The following TEX26 variants were observed in gnomAD, a reference collection of about 807,000 sequenced individuals.
The protein encoded by TEX26 is testis-expressed protein 26.
Under a neutral mutation model 35.3 loss-of-function variants are expected in TEX26, and 34 were observed. The ratio of observed to expected loss-of-function variants is 0.96; its 90% CI spans 0.73 to 1.28. TEX26 has a LOEUF of 1.28. TEX26 is among the 50% of genes most tolerant of loss of function. The probability of loss-of-function intolerance (pLI) is 0.00; values close to 1 mark genes in which losing one functional copy is unlikely to be tolerated. For missense variants in TEX26, 371 were observed against 330.1 expected (o/e 1.12, Z -0.96); for synonymous variants, 136 against 111.8 (o/e 1.22, Z -1.36).
In TEX26 at chr13:30,968,969, A is replaced by C. The variant is rs767993938; in HGVS notation, c.731A>C (p.Tyr244Ser). ...TTYQSDYDKT[Y>S]PDFLMLLNSF... The stretch of plus-strand genomic sequence containing the variant: ...TACCAAAGTGACTACGACAAAACCT[A>C]CCCAGATTTCTTAATGCTTTTAAAC... The change falls in exon 6 of 7, where the codon TAC becomes TCC. Residue 244 changes from tyrosine (Y) to serine (S), a missense_variant. Physicochemically the swap from Tyr to Ser is moderately radical, Grantham distance 144. Transcript: ENST00000380473. The C allele has an allele frequency of 6.2e-7, 1 of 1,613,986 alleles. No individual in the cohort carries two copies. Among genetic ancestry groups the C allele is most frequent in the South Asian group, 1.1e-5 (1 of 91,056 alleles).
chr13:30,957,710 T>C (rs978796641), intron 4 of TEX26, among the ~76,000 whole-genome samples: 2 of 152,194 alleles, frequency 1.3e-5, no homozygotes, highest in Non-Finnish European at 2.9e-5. Flanking sequence ...GGTGGTGGCA[T>C]GGGCACTTCA....
At chr13:30,951,415 A>G (rs547151334) in intron 2 of TEX26, among the ~76,000 whole-genome samples, 1 of 151,800 alleles carries the variant, frequency 6.6e-6, no homozygotes, top group South Asian at 2.1e-4. Flanking sequence ...TCTCCAGTTT[A>G]TATCTGAATG....
At chr13:30,941,348 C>G (rs935104470) in intron 2 of TEX26, among the ~76,000 whole-genome samples, 3 of 152,122 alleles carry the variant, frequency 2.0e-5, no homozygotes, top group African/African-American at 7.2e-5. Flanking sequence ...ATGAAAGTGC[C>G]ATCTATATAA....
At chr13:30,970,158 G>GGTGT (rs1334626307) in intron 6 of TEX26, among the ~76,000 whole-genome samples, 1 of 123,950 alleles carries the variant, frequency 8.1e-6, no homozygotes, top group African/African-American at 3.1e-5. Flanking sequence ...GACAGGGAAG[G>GGTGT]GTGTGTGTGA....
intron 4 of TEX26, among the ~76,000 whole-genome samples, chr13:30,965,727 G>A (rs368411723): frequency 3.5e-4 from 53 of 152,108 alleles, no homozygotes; most frequent in African/African-American, 1.1e-3. Context: ...GATAAGCTTC[G>A]AGTGTTTTTT....
chr13:30,974,131 A>AAAATATATATATATATAT, intron 6 of TEX26, among the ~76,000 whole-genome samples: 17 of 84,414 alleles, frequency 2.0e-4, no homozygotes, highest in African/African-American at 5.7e-4. Flanking sequence ...AAAAAAAAAA[A>AAAATATATATATATATAT]ATATATATAT....
intron 1 of TEX26, among the ~76,000 whole-genome samples, chr13:30,935,746 A>G (rs1353964228): frequency 1.3e-5 from 2 of 152,212 alleles, no homozygotes; most frequent in African/African-American, 2.4e-5. Flanking sequence ...TGACCTGCCT[A>G]CAGAGAGAAG....
At chr13:30,974,218 G>T (rs1380856181) in intron 6 of TEX26, among the ~76,000 whole-genome samples, 1 of 148,532 alleles carries the variant, frequency 6.7e-6, no homozygotes, top group African/African-American at 2.5e-5. Flanking sequence ...TTACAGATCA[G>T]GAAATGGAGG....
rs550547665 is a variant in TEX26, at chr13:30,961,549, T to C, written c.469+4520T>C. 1.8e-3 allele frequency among the ~76,000 whole-genome samples: 271 copies of C among 151,166 alleles called. 2 individuals are homozygous for C. The highest frequency in any genetic ancestry group is 7.8e-4 in the East Asian group (4 of 5,108). On this transcript the variant is annotated intron_variant, in intron 4 of 6. Coordinates refer to ENST00000380473, the MANE Select transcript of TEX26 (RefSeq NM_152325.3). ...ATTTGCTTTCCATTTTCTAAAAAAATGTGTTAACATTTCTAATCTACGATC... is the reference window on the plus strand; with the variant it reads ...ATTTGCTTTCCATTTTCTAAAAAAACGTGTTAACATTTCTAATCTACGATC...
intron 3 of TEX26, 106 bp from the exon 4 acceptor site, chr13:30,956,767 T>C (rs1954147693): frequency 9.6e-7 from 1 of 1,044,234 alleles, no homozygotes; most frequent in Non-Finnish European, 1.4e-6. Context: ...CAGTGGCAGC[T>C]GGTTGTAAAG....
chr13:30,942,074 A>G (rs947635351), intron 2 of TEX26, among the ~76,000 whole-genome samples: 1 of 152,182 alleles, frequency 6.6e-6, no homozygotes, highest in Non-Finnish European at 1.5e-5. Flanking sequence ...TTAGTTCCTT[A>G]AGAAATATTC....
chr13:30,945,822 GT>G (rs943091019), intron 2 of TEX26, among the ~76,000 whole-genome samples: 32 of 151,768 alleles, frequency 2.1e-4, no homozygotes, highest in African/African-American at 7.2e-4. Context: ...AGTCTGATAG[GT>G]TTTTTTGTTT....
In TEX26 at chr13:30,974,895, AAAG is replaced by A. The variant is rs1353165513; in HGVS notation, c.864_866del (p.Lys289del). ...TTCGTACTCACTGTGACACTAACAA[AAAG>A]AAGAAATGAAAAGGGAAAATAGTAC... On this transcript the variant is annotated inframe_deletion, in exon 7 of 7. Coordinates refer to ENST00000380473, the MANE Select transcript of TEX26 (RefSeq NM_152325.3). 2.5e-6 allele frequency: 4 copies of A among 1,569,794 alleles called. No individual in the cohort carries two copies. The African/African-American group carries it at 5.5e-5, about 22-fold the overall frequency.
chr13:30,961,719 C>T (rs537854388), intron 4 of TEX26, among the ~76,000 whole-genome samples: 1 of 152,304 alleles, frequency 6.6e-6, no homozygotes, highest in African/African-American at 2.4e-5. Context: ...CTTTCAAGGT[C>T]TGCAATGACC....
chr13:30,966,731 C>T (rs934905628), intron 5 of TEX26, among the ~76,000 whole-genome samples: 1 of 152,156 alleles, frequency 6.6e-6, no homozygotes, highest in African/African-American at 2.4e-5. Flanking sequence ...GAGTTACAGG[C>T]ATGAGCCCAG....
intron 2 of TEX26, among the ~76,000 whole-genome samples, chr13:30,947,846 G>A (rs182709816): frequency 2.5e-4 from 38 of 151,860 alleles, no homozygotes; most frequent in African/African-American, 7.5e-4. Flanking sequence ...CCATTAACTC[G>A]TCATTTAGCA....
rs765656467 is a variant in TEX26, at chr13:30,956,859, G to A, written c.313-14G>A. On this transcript the variant is annotated splice_polypyrimidine_tract_variant and intron_variant, in intron 3 of 6. Coordinates refer to ENST00000380473, the MANE Select transcript of TEX26 (RefSeq NM_152325.3). ...CCATATGGATTTTCTTGAAAATTAT[G>A]TTTGCTTTGATAGGACATTTTCCTG... The A allele has an allele frequency of 1.4e-5, 23 of 1,612,060 alleles. No homozygotes were observed. In the East Asian group the frequency reaches 3.6e-4, roughly 25 times the overall value.
intron 2 of TEX26, among the ~76,000 whole-genome samples, chr13:30,947,406 G>A (rs1036270418): frequency 5.3e-5 from 8 of 152,068 alleles, no homozygotes; most frequent in African/African-American, 1.9e-4. Flanking sequence ...CAAATGAAAG[G>A]AGTTTTAGTA....
intron 1 of TEX26, among the ~76,000 whole-genome samples, chr13:30,937,264 C>T (rs945534410): frequency 6.6e-6 from 1 of 152,116 alleles, no homozygotes; most frequent in African/African-American, 2.4e-5. Context: ...GGATAGGACC[C>T]TAGATGGGCG....
Sources: allele counts gnomAD v4.1 joint callset (sites outside exome capture counted in the v4.1 genomes callset), GRCh38; gene constraint gnomAD v4.1.1; transcripts MANE v1.5; gene names NCBI Gene and HGNC (gene_info 2026-07-23, HGNC 2026-07-21).